The following NCKAP5 variants were observed in gnomAD, a reference collection of about 807,000 sequenced individuals.
NCKAP5 encodes nck-associated protein 5.
In NCKAP5, 92 loss-of-function variants were observed where a neutral mutation model predicts 167.0. That is an observed-to-expected ratio of 0.55 (90% CI 0.47 to 0.66). The LOEUF is 0.66. NCKAP5 is among the 30% of genes least tolerant of loss of function. The pLI, the probability that NCKAP5 is intolerant of heterozygous loss-of-function variation, is 0.00. For missense variants in NCKAP5, 2,378 were observed against 2,315.0 expected, an observed-to-expected ratio of 1.03 and a Z score of -0.56; for synonymous variants, 891 against 877.4, an observed-to-expected ratio of 1.02 and a Z score of -0.27.
intron 5 of NCKAP5, among the ~76,000 whole-genome samples, chr2:133,146,662 A>G (rs572771503): frequency 1.2e-4 from 19 of 152,116 alleles, no homozygotes; most frequent in Admixed American, 1.3e-4. Flanking sequence ...ACATGCACCA[A>G]GTATATAACT....
intron 19 of NCKAP5, among the ~76,000 whole-genome samples, chr2:132,709,781 TCTAA>T (rs1260706667): frequency 3.3e-5 from 5 of 152,112 alleles, no homozygotes; most frequent in African/African-American, 1.2e-4. Flanking sequence ...GCTAAATCAT[TCTAA>T]CTTATACAAC....
intron 19 of NCKAP5, among the ~76,000 whole-genome samples, chr2:132,680,079 C>T (rs562089434): frequency 5.2e-4 from 79 of 152,072 alleles, no homozygotes; most frequent in Non-Finnish European, 9.9e-4. Context: ...CACTAGAGAC[C>T]CCTCCACACT....
intron 5 of NCKAP5, among the ~76,000 whole-genome samples, chr2:133,184,521 T>C (rs71413545): frequency 1.3e-5 from 2 of 152,252 alleles, no homozygotes. Context: ...ATCTGTTTTA[T>C]GTTCTTTGGG....
At chr2:133,182,715 A>C (rs780860080) in intron 5 of NCKAP5, among the ~76,000 whole-genome samples, 1 of 152,174 alleles carries the variant, frequency 6.6e-6, no homozygotes, top group Non-Finnish European at 1.5e-5. Context: ...AAAACAGAAA[A>C]AGAACAACTA....
intron 3 of NCKAP5, among the ~76,000 whole-genome samples, chr2:133,308,866 G>A (rs1035783430): frequency 1.7e-4 from 25 of 148,662 alleles, no homozygotes; most frequent in South Asian, 8.6e-4. Flanking sequence ...GCCCGCCACC[G>A]CGCCCGGCTA....
intron 11 of NCKAP5, among the ~76,000 whole-genome samples, chr2:132,837,764 A>G (rs1437320722): frequency 6.6e-6 from 1 of 152,236 alleles, no homozygotes; most frequent in African/African-American, 2.4e-5. Flanking sequence ...GCCTCCGTGC[A>G]TGGACAGGGC....
At chr2:133,317,662 C>T (rs566776794) in intron 3 of NCKAP5, among the ~76,000 whole-genome samples, 7 of 152,192 alleles carry the variant, frequency 4.6e-5, no homozygotes, top group African/African-American at 1.7e-4. Flanking sequence ...CAGCTGTAGC[C>T]GACTTAGTGC....
At chr2:133,584,246 T>C in the NCKAP5 span, among the ~76,000 whole-genome samples, 49,053 of 152,024 alleles carry the variant, frequency 0.32, 8,251 homozygotes, top group South Asian at 0.42. Flanking sequence ...CTAAAAAATA[T>C]TCTCTTAAGA....
Position 132,725,551 on chromosome 2 carries a change from G to T in NCKAP5, c.5713+76C>A, listed in dbSNP as rs185722997. The T allele has an allele frequency of 9.3e-4, 1,375 of 1,480,548 alleles. 3 individuals carry two copies. Among genetic ancestry groups the T allele is most frequent in the Admixed American group, 2.7e-3 (103 of 38,494 alleles). 91.7% of individuals were successfully genotyped at this position (1,480,548 alleles called of 1,614,324 possible). ...CATAAAATCAAAGAGGGTGGGGGCC[G>T]AGCACAGTGAAAGGTATAATCAGCG... On this transcript the variant is annotated intron_variant, in intron 19 of 19. Transcript: ENST00000409261.
At chr2:133,017,020 GAAA>G in intron 6 of NCKAP5, among the ~76,000 whole-genome samples, 1 of 152,178 alleles carries the variant, frequency 6.6e-6, no homozygotes, top group South Asian at 2.1e-4. Flanking sequence ...TAGGCAGTGT[GAAA>G]TGTGTTCAAT....
chr2:133,132,416 C>G (rs541392587), intron 5 of NCKAP5, among the ~76,000 whole-genome samples: 1 of 150,724 alleles, frequency 6.6e-6, no homozygotes, highest in South Asian at 2.1e-4. Flanking sequence ...CATGAGAGAA[C>G]CTTTTCCACA....
At chr2:132,728,775 C>G (rs1018575240) in intron 18 of NCKAP5, 41 bp downstream of exon 18, 2 of 1,603,500 alleles carry the variant, frequency 1.2e-6, no homozygotes. Context: ...GAATCAGGAC[C>G]AACAGGTGGA....
At chr2:132,914,284 G>GT (rs1236106037) in intron 8 of NCKAP5, among the ~76,000 whole-genome samples, 1 of 151,960 alleles carries the variant, frequency 6.6e-6, no homozygotes, top group Non-Finnish European at 1.5e-5. Flanking sequence ...GCATAGAAAT[G>GT]TTTCTTTTTA....
intron 3 of NCKAP5, among the ~76,000 whole-genome samples, chr2:133,416,972 C>G (rs1689150055): frequency 6.6e-6 from 1 of 152,096 alleles, no homozygotes; most frequent in Non-Finnish European, 1.5e-5. Flanking sequence ...TGGGGCAATG[C>G]TTAGAATGAG....
intron 5 of NCKAP5, among the ~76,000 whole-genome samples, chr2:133,193,767 C>T (rs570030992): frequency 1.3e-5 from 2 of 152,186 alleles, no homozygotes; most frequent in Non-Finnish European, 2.9e-5. Context: ...ACTTTAAACT[C>T]AGTGGAGCCA....
At chr2:133,523,858 G>A (rs906615931) in intron 2 of NCKAP5, among the ~76,000 whole-genome samples, 5 of 152,166 alleles carry the variant, frequency 3.3e-5, no homozygotes, top group South Asian at 2.1e-4. Context: ...GTTTCCTGTC[G>A]TTGACAAGGC....
At chr2:133,004,728 C>T (rs767999089) in intron 6 of NCKAP5, among the ~76,000 whole-genome samples, 6 of 152,146 alleles carry the variant, frequency 3.9e-5, no homozygotes, top group African/African-American at 9.7e-5. Flanking sequence ...AGTAGACAAC[C>T]GGTATGGCTA....
At chr2:132,739,905 T>C (rs970506519) in intron 16 of NCKAP5, among the ~76,000 whole-genome samples, 4 of 152,144 alleles carry the variant, frequency 2.6e-5, no homozygotes, top group African/African-American at 9.7e-5. Flanking sequence ...AAAAAGCCTA[T>C]ACAAATGATG....
Position 133,310,648 on chromosome 2 carries a change from A to G in NCKAP5, c.70-7538T>C, listed in dbSNP as rs77175806. On this transcript the variant is annotated intron_variant, in intron 3 of 19. Transcript: ENST00000409261. ...CTGTGAGTCTGGCTATTTCCCAAAC[A>G]GGTCCCTTTGGATGTGCCACATACT... Among the ~76,000 whole-genome samples the G allele has an allele frequency of 7.9e-3, 1,206 of 152,274 alleles. 16 individuals carry two copies. The highest frequency in any genetic ancestry group is 0.028 in the African/African-American group (1,145 of 41,554).
Sources: allele counts gnomAD v4.1 joint callset (sites outside exome capture counted in the v4.1 genomes callset), GRCh38; gene constraint gnomAD v4.1.1; transcripts MANE v1.5; gene names NCBI Gene and HGNC (gene_info 2026-07-23, HGNC 2026-07-21).